Variants in PTPRE observed in about 807,000 individuals in gnomAD.
PTPRE encodes receptor-type tyrosine-protein phosphatase epsilon.
In PTPRE, 51 loss-of-function variants were observed where a neutral mutation model predicts 102.0. That is an observed-to-expected ratio of 0.50 (90% CI 0.40 to 0.63). The LOEUF is 0.63. PTPRE is among the 30% of genes least tolerant of loss of function. PTPRE has a pLI of 0.00. For synonymous variants in PTPRE, 345 were observed against 348.2 expected (o/e 0.99, Z 0.10); for missense variants, 752 against 915.1 (o/e 0.82, Z 2.30).
intron 2 of PTPRE, among the ~76,000 whole-genome samples, chr10:127,986,811 G>C (rs1010801401): frequency 1.2e-4 from 18 of 152,248 alleles, no homozygotes; most frequent in African/African-American, 3.9e-4. Flanking sequence ...GTTTCCAGCA[G>C]GGCAGGAGCT....
At chr10:128,040,841 G>A (rs1020159531) in intron 2 of PTPRE, 34 bp from the exon 3 acceptor site, 2 of 1,563,298 alleles carry the variant, frequency 1.3e-6, no homozygotes, top group Non-Finnish European at 1.8e-6. Flanking sequence ...GCTGCTGCTG[G>A]ATGACCTCTG....
intron 2 of PTPRE, among the ~76,000 whole-genome samples, chr10:128,031,528 T>C (rs1846756317): frequency 6.6e-6 from 1 of 152,224 alleles, no homozygotes; most frequent in South Asian, 2.1e-4. Context: ...CAGGGTGTTT[T>C]GGGCAGTGGT....
chr10:128,049,485 C>T (rs1477997473), intron 5 of PTPRE, 45 bp from the exon 6 acceptor site: 1 of 1,607,904 alleles, frequency 6.2e-7, no homozygotes, highest in African/African-American at 1.3e-5. Flanking sequence ...GTCGCCTATC[C>T]AGGAATGTGG....
intron 2 of PTPRE, among the ~76,000 whole-genome samples, chr10:127,983,930 GCCC>G (rs549855347): frequency 1.0e-3 from 152 of 152,218 alleles, no homozygotes; most frequent in Non-Finnish European, 1.9e-3. Context: ...AGAAGTAGGT[GCCC>G]CACCCGAAGG....
At chr10:127,992,357 C>T (rs1026180633) in intron 2 of PTPRE, among the ~76,000 whole-genome samples, 4 of 152,108 alleles carry the variant, frequency 2.6e-5, no homozygotes, top group Non-Finnish European at 5.9e-5. Flanking sequence ...CTCTGCAAGG[C>T]TCTAGGGTTC....
intron 1 of PTPRE, among the ~76,000 whole-genome samples, chr10:127,926,573 T>C (rs1316460334): frequency 6.6e-6 from 1 of 152,122 alleles, no homozygotes; most frequent in Non-Finnish European, 1.5e-5. Context: ...GAGAGGAGGC[T>C]GGGAGGCTGG....
At chr10:128,034,332 C>G (rs568364071) in intron 2 of PTPRE, among the ~76,000 whole-genome samples, 1 of 151,864 alleles carries the variant, frequency 6.6e-6, no homozygotes, top group African/African-American at 2.4e-5. Context: ...ACCACCCCCC[C>G]CACCGACACA....
intron 10 of PTPRE, among the ~76,000 whole-genome samples, chr10:128,065,570 G>A (rs774667121): frequency 1.3e-5 from 2 of 152,202 alleles, no homozygotes; most frequent in Non-Finnish European, 2.9e-5. Flanking sequence ...AATGAAGATC[G>A]TTAGACCAAT....
intron 2 of PTPRE, among the ~76,000 whole-genome samples, chr10:128,029,339 G>T (rs1357600472): frequency 6.6e-6 from 1 of 152,198 alleles, no homozygotes; most frequent in Non-Finnish European, 1.5e-5. Flanking sequence ...CAGCACTATT[G>T]TTCTCCACCA....
At chr10:127,945,467 C>T (rs912951542) in intron 1 of PTPRE, among the ~76,000 whole-genome samples, 1 of 152,196 alleles carries the variant, frequency 6.6e-6, no homozygotes, top group Non-Finnish European at 1.5e-5. Context: ...TTTGAGGAGG[C>T]CTCTGTCTCA....
intron 2 of PTPRE, among the ~76,000 whole-genome samples, chr10:127,990,495 C>A (rs1213193204): frequency 1.3e-5 from 2 of 151,874 alleles, no homozygotes; most frequent in African/African-American, 4.8e-5. Flanking sequence ...TGAGTCACAC[C>A]TTCTTGGTCT....
At position 128,085,150 on chromosome 10, in the gene PTPRE, G is replaced by A. The variant is rs1451224171; in HGVS notation, c.*2244G>A. The A allele has an allele frequency of 1.1e-5, 5 of 455,682 alleles. No homozygotes were observed. The highest frequency in any genetic ancestry group is 4.7e-5 in the Admixed American group (2 of 42,512). The allele number at this position is 455,682 out of a possible 1,614,324, so 28.2% of individuals were successfully genotyped here. On this transcript the variant is annotated 3_prime_UTR_variant, in exon 21 of 21. Transcript: ENST00000254667. ...CCGGGACAGCGTTCGCCCTTTAGCG[G>A]GGAGGTCATTACAGCCTCATGGCCT...
chr10:128,060,737 C>T (rs1265723169), intron 7 of PTPRE, among the ~76,000 whole-genome samples: 3 of 152,230 alleles, frequency 2.0e-5, no homozygotes, highest in African/African-American at 7.2e-5. Context: ...AAAGCAGGTG[C>T]ATTCTCTCTC....
At chr10:128,068,669 T>C (rs763454031) in intron 12 of PTPRE, 8 of 160,106 alleles carry the variant, frequency 5.0e-5, no homozygotes, top group Admixed American at 1.2e-4. Context: ...CAAGTCGTTA[T>C]GGAAGAGCAC....
At chr10:128,074,473 CT>C (rs1347208590) in intron 17 of PTPRE, among the ~76,000 whole-genome samples, 1 of 152,332 alleles carries the variant, frequency 6.6e-6, no homozygotes, top group East Asian at 1.9e-4. Context: ...CGCGGCCAGC[CT>C]GGCCAACATG....
chr10:127,933,873 C>A (rs1847622312), intron 1 of PTPRE, among the ~76,000 whole-genome samples: 1 of 152,136 alleles, frequency 6.6e-6, no homozygotes, highest in African/African-American at 2.4e-5. Flanking sequence ...TGTGGTTTCC[C>A]TAAACCTCGA....
chr10:128,012,748 G>T (rs192091784), intron 2 of PTPRE, among the ~76,000 whole-genome samples: 8 of 152,100 alleles, frequency 5.3e-5, no homozygotes, highest in Non-Finnish European at 1.0e-4. Context: ...TTTTCAAAAG[G>T]TTGGCACCAG....
rs930838663 is a variant in PTPRE, at chr10:128,044,884, T to C, written c.110-2506T>C. The stretch of plus-strand genomic sequence containing the variant: ...GTTTTTAAATTGAATTTCTTACCAA[T>C]ATTTAAAAATCAGAAAATGTTTACA... On this transcript the variant is annotated intron_variant, in intron 3 of 20. Transcript: ENST00000254667. Among the ~76,000 whole-genome samples the C allele has an allele frequency of 2.0e-5, 3 of 152,242 alleles. No homozygotes were observed. The East Asian group carries it at 5.8e-4, about 29-fold the overall frequency.
At chr10:128,065,717 C>T (rs1021113190) in intron 10 of PTPRE, among the ~76,000 whole-genome samples, 1 of 152,194 alleles carries the variant, frequency 6.6e-6, no homozygotes, top group African/African-American at 2.4e-5. Flanking sequence ...TGCCCTCTAG[C>T]CTGAGGGTCA....
Sources: allele counts gnomAD v4.1 joint callset (sites outside exome capture counted in the v4.1 genomes callset), GRCh38; gene constraint gnomAD v4.1.1; transcripts MANE v1.5; gene names NCBI Gene and HGNC (gene_info 2026-07-23, HGNC 2026-07-21).